ADGRF5: variants seen among roughly 807,000 people sequenced by gnomAD.
The protein encoded by ADGRF5 is G-protein coupled receptor 116.
Under a neutral mutation model 132.3 loss-of-function variants are expected in ADGRF5, and 75 were observed. The observed-to-expected ratio is 0.57, with a 90% CI of 0.47 to 0.69. The LOEUF (loss-of-function observed/expected upper bound fraction) is 0.69, where lower values mean the gene tolerates loss of function less well. Ranked by LOEUF, ADGRF5 falls within the 30% of genes least tolerant of loss-of-function variation. ADGRF5 has a pLI of 0.00. For synonymous variants in ADGRF5, 629 were observed against 597.6 expected (o/e 1.05, Z -0.77); for missense variants, 1,516 against 1,630.6 (o/e 0.93, Z 1.21).
intron 12 of ADGRF5, among the ~76,000 whole-genome samples, chr6:46,867,827 A>T (rs753230846): frequency 6.6e-6 from 1 of 152,238 alleles, no homozygotes; most frequent in Non-Finnish European, 1.5e-5. Flanking sequence ...AATTGAATAT[A>T]AAATGACAGT....
At chr6:46,871,030 CACATAA>C (rs1438054852) in intron 11 of ADGRF5, among the ~76,000 whole-genome samples, 3 of 150,650 alleles carry the variant, frequency 2.0e-5, no homozygotes, top group Admixed American at 6.6e-5. Flanking sequence ...AGATTACGCC[CACATAA>C]ACATAATCTT....
intron 15 of ADGRF5, among the ~76,000 whole-genome samples, 157 bp downstream of exon 15, chr6:46,862,731 C>CTTTTTTTTTTTT (rs1769926537): frequency 9.2e-5 from 2 of 21,786 alleles, no homozygotes; most frequent in Admixed American, 6.1e-4. Context: ...TTTTTTTTTG[C>CTTTTTTTTTTTT]ATTTCTAGGG....
intron 1 of ADGRF5, among the ~76,000 whole-genome samples, chr6:46,933,998 G>T (rs74645059): frequency 0.017 from 2,519 of 152,218 alleles, 78 homozygotes; most frequent in South Asian, 0.13. Context: ...TCCTCAAATT[G>T]TTCACTTTTC....
intron 14 of ADGRF5, 110 bp downstream of exon 14, chr6:46,864,932 G>A (rs1770239765): frequency 1.3e-6 from 1 of 743,422 alleles, no homozygotes; most frequent in Admixed American, 2.4e-5. Flanking sequence ...GCCTACCACA[G>A]TGAGGGTATT....
chr6:46,871,234 T>C (rs1399745834), intron 11 of ADGRF5, among the ~76,000 whole-genome samples: 1 of 152,148 alleles, frequency 6.6e-6, no homozygotes, highest in Non-Finnish European at 1.5e-5. Flanking sequence ...GGGGTGAAAT[T>C]ATAATGCTTT....
At chr6:46,884,299 GAGA>G (rs775055588) in intron 4 of ADGRF5, 28 bp from the exon 5 acceptor site, 1 of 1,525,120 alleles carries the variant, frequency 6.6e-7, no homozygotes, top group Admixed American at 1.7e-5. Context: ...AGCAAGGAGA[GAGA>G]AGGTGGAGAA....
chr6:46,857,953 G>A (rs1054243572), intron 17 of ADGRF5, among the ~76,000 whole-genome samples, 176 bp downstream of exon 17: 1 of 152,182 alleles, frequency 6.6e-6, no homozygotes, highest in African/African-American at 2.4e-5. Context: ...AGGTGCCATA[G>A]GATCAGAAGA....
At chr6:46,906,155 A>G (rs760774870) in intron 2 of ADGRF5, among the ~76,000 whole-genome samples, 14 of 152,336 alleles carry the variant, frequency 9.2e-5, no homozygotes, top group East Asian at 5.8e-4. Context: ...CTGTCAGCAA[A>G]GGTCTTCTAT....
At chr6:46,909,405 C>T (rs1775710670) in intron 1 of ADGRF5, among the ~76,000 whole-genome samples, 1 of 152,202 alleles carries the variant, frequency 6.6e-6, no homozygotes, top group Admixed American at 6.5e-5. Flanking sequence ...GGAAATATGC[C>T]CTAGCCCTCA....
chr6:46,894,753 A>G (rs1773998480), intron 3 of ADGRF5, among the ~76,000 whole-genome samples: 1 of 152,200 alleles, frequency 6.6e-6, no homozygotes, highest in African/African-American at 2.4e-5. Context: ...GATTATTGTT[A>G]AAGAGCTGGA....
chr6:46,872,075 A>G, intron 10 of ADGRF5, 62 bp from the exon 11 acceptor site: 1 of 1,163,496 alleles, frequency 8.6e-7, no homozygotes, highest in Non-Finnish European at 1.2e-6. Flanking sequence ...AGTAGCAAAG[A>G]GGTCAAATCA....
At chr6:46,943,519 T>A (rs1188833144) in intron 1 of ADGRF5, among the ~76,000 whole-genome samples, 2 of 152,180 alleles carry the variant, frequency 1.3e-5, no homozygotes, top group African/African-American at 4.8e-5. Context: ...TATTTTTAAT[T>A]GCTATCTCTT....
intron 1 of ADGRF5, among the ~76,000 whole-genome samples, chr6:46,913,631 T>C (rs752862176): frequency 9.9e-5 from 15 of 152,194 alleles, no homozygotes; most frequent in African/African-American, 2.9e-4. Flanking sequence ...GGAAATCCCA[T>C]TGGGATGGTT....
intron 19 of ADGRF5, 122 bp downstream of exon 19, chr6:46,856,596 T>C: frequency 1.5e-6 from 1 of 663,246 alleles, no homozygotes; most frequent in Non-Finnish European, 2.7e-6. Context: ...GGTTTGAGGA[T>C]GCAATATATT....
chr6:46,854,084 G>A lies in ADGRF5; in HGVS notation c.3962-13C>T. The A allele has an allele frequency of 1.3e-6, 2 of 1,582,760 alleles. No individual in the cohort carries two copies. Among genetic ancestry groups the A allele is most frequent in the East Asian group, 2.3e-5 (1 of 43,336 alleles). ...ACATTATACGTTCCTGAAAAACAGAGCAGCAACTCAGCCTTGAAGACAAGC... is the reference window on the plus strand; with the variant it reads ...ACATTATACGTTCCTGAAAAACAGAACAGCAACTCAGCCTTGAAGACAAGC... On this transcript the variant is annotated splice_polypyrimidine_tract_variant and intron_variant, in intron 20 of 20. Transcript: ENST00000283296.
intron 9 of ADGRF5, 136 bp from the exon 10 acceptor site, chr6:46,878,541 ACGCCT>A: frequency 1.6e-6 from 1 of 622,702 alleles, no homozygotes; most frequent in South Asian, 2.0e-5. Context: ...TGGTCTAAAG[ACGCCT>A]AAAAAACCAT....
intron 1 of ADGRF5, among the ~76,000 whole-genome samples, chr6:46,918,061 G>A (rs1776580473): frequency 6.6e-6 from 1 of 152,240 alleles, no homozygotes; most frequent in Non-Finnish European, 1.5e-5. Flanking sequence ...CTACTAGGCT[G>A]TAATTTTAAA....
intron 16 of ADGRF5, among the ~76,000 whole-genome samples, chr6:46,860,087 T>C (rs567648275): frequency 2.6e-5 from 4 of 152,190 alleles, no homozygotes; most frequent in Non-Finnish European, 5.9e-5. Context: ...TGTCTGGTTA[T>C]AGCTCTGGCC....
intron 9 of ADGRF5, among the ~76,000 whole-genome samples, 163 bp downstream of exon 9, chr6:46,879,655 A>C (rs1239349610): frequency 6.6e-6 from 1 of 152,242 alleles, no homozygotes; most frequent in Non-Finnish European, 1.5e-5. Flanking sequence ...AAAATGGACT[A>C]ATACATATCG....
Sources: allele counts gnomAD v4.1 joint callset (sites outside exome capture counted in the v4.1 genomes callset), GRCh38; gene constraint gnomAD v4.1.1; transcripts MANE v1.5; gene names NCBI Gene and HGNC (gene_info 2026-07-23, HGNC 2026-07-21).